Variants in NT5DC1 observed in about 807,000 individuals in gnomAD.
NT5DC1 encodes the protein 5'-nucleotidase domain containing 1.
NT5DC1 carries 42 observed loss-of-function variants against 59.4 expected under a neutral mutation model. The ratio of observed to expected loss-of-function variants is 0.71; its 90% CI spans 0.55 to 0.92. NT5DC1 has a LOEUF of 0.92. Ranked by LOEUF, NT5DC1 falls within the 40% of genes least tolerant of loss-of-function variation. The pLI is 0.00. For missense variants in NT5DC1, 501 were observed against 537.1 expected (o/e 0.93, Z 0.66); for synonymous variants, 172 against 188.1 (o/e 0.91, Z 0.70).
intron 6 of NT5DC1, among the ~76,000 whole-genome samples, chr6:116,215,954 A>G (rs1781680635): frequency 6.6e-6 from 1 of 152,154 alleles, no homozygotes; most frequent in Non-Finnish European, 1.5e-5. Flanking sequence ...TGGCTTGTCT[A>G]TACTCATTTA....
intron 6 of NT5DC1, among the ~76,000 whole-genome samples, chr6:116,219,988 CTCT>C (rs1781765068): frequency 1.6e-5 from 2 of 125,840 alleles, no homozygotes; most frequent in East Asian, 4.7e-4. Flanking sequence ...AAAAAAACAA[CTCT>C]TCTTCCTGAT....
chr6:116,111,014 C>T, intron 4 of NT5DC1, 58 bp downstream of exon 4: 2 of 1,185,464 alleles, frequency 1.7e-6, no homozygotes, highest in South Asian at 1.3e-5. Context: ...GTACCCTAAA[C>T]CTTTGATGTC....
intron 6 of NT5DC1, among the ~76,000 whole-genome samples, chr6:116,128,633 G>T (rs1779384593): frequency 6.6e-6 from 1 of 152,092 alleles, no homozygotes; most frequent in Admixed American, 6.6e-5. Flanking sequence ...TAGACATTAA[G>T]ATAAATACTG....
intron 6 of NT5DC1, among the ~76,000 whole-genome samples, chr6:116,210,250 A>G (rs1292939911): frequency 6.6e-6 from 1 of 152,000 alleles, no homozygotes; most frequent in African/African-American, 2.4e-5. Flanking sequence ...ATAAATTTAT[A>G]TGTAAGGTTC....
At chr6:116,206,718 TC>T (rs1781459861) in intron 6 of NT5DC1, among the ~76,000 whole-genome samples, 1 of 151,994 alleles carries the variant, frequency 6.6e-6, no homozygotes, top group African/African-American at 2.4e-5. Flanking sequence ...TAGATAAAGT[TC>T]CTTTTGATGT....
Position 116,162,047 on chromosome 6 carries a change from G to A in NT5DC1, c.529+44102G>A, listed in dbSNP as rs529499672. 3.6e-3 allele frequency among the ~76,000 whole-genome samples: 544 copies of A among 152,216 alleles called. 2 individuals carry two copies. Among genetic ancestry groups the A allele is most frequent in the African/African-American group, 0.012 (502 of 41,546 alleles). On this transcript the variant is annotated intron_variant, in intron 6 of 11. Transcript: ENST00000319550. ...ATGTTTTTTTATGGCTATTGTAAAT[G>A]AGATTGAGTTTTTTATTTGGTTTTC...
chr6:116,172,329 T>TG (rs1780627720), intron 6 of NT5DC1, among the ~76,000 whole-genome samples: 1 of 147,810 alleles, frequency 6.8e-6, no homozygotes, highest in Non-Finnish European at 1.5e-5. Context: ...TTTTTTTTTT[T>TG]TTTTTTTTTT....
intron 6 of NT5DC1, among the ~76,000 whole-genome samples, chr6:116,158,398 G>T (rs1172283944): frequency 6.6e-6 from 1 of 151,910 alleles, no homozygotes; most frequent in East Asian, 1.9e-4. Flanking sequence ...GTTTATAAAT[G>T]ATTTACTTTT....
rs2114568580 is a variant in NT5DC1 at position 116,244,079 on chromosome 6, TA to T, written c.*57del. ...CCCATATATGCAGTTAAAAAAAAGT[TA>T]ATTTTCAAAAAATACTGTAAAAGAC... On this transcript the variant is annotated 3_prime_UTR_variant, in exon 12 of 12. Transcript: ENST00000319550. The T allele has an allele frequency of 1.5e-6, 1 of 682,036 alleles. No individual in the cohort carries two copies. Among genetic ancestry groups the T allele is most frequent in the South Asian group, 2.1e-5 (1 of 47,930 alleles). The allele number at this position is 682,036 out of a possible 1,614,324, so 42.2% of individuals were successfully genotyped here. A position where few individuals can be genotyped will look rare whatever the true frequency, so the allele number is the denominator to read the frequency against.
intron 6 of NT5DC1, among the ~76,000 whole-genome samples, chr6:116,161,885 G>A (rs1780341180): frequency 6.6e-6 from 1 of 152,090 alleles, no homozygotes; most frequent in Non-Finnish European, 1.5e-5. Flanking sequence ...CCATCTGTTT[G>A]TGTCATCTAC....
intron 6 of NT5DC1, among the ~76,000 whole-genome samples, chr6:116,150,351 C>G (rs1325174784): frequency 6.6e-6 from 1 of 152,018 alleles, no homozygotes; most frequent in Non-Finnish European, 1.5e-5. Context: ...AGTGGCATGT[C>G]TTGGCTCACT....
In NT5DC1 at chr6:116,181,719, C is replaced by CA. The variant is rs368247126; in HGVS notation, c.530-39326dup. 4.2e-3 allele frequency among the ~76,000 whole-genome samples: 632 copies of CA among 149,506 alleles called. 4 individuals carry two copies. Among genetic ancestry groups the CA allele is most frequent in the African/African-American group, 0.014 (576 of 40,780 alleles). On this transcript the variant is annotated intron_variant, in intron 6 of 11. Coordinates refer to ENST00000319550, the MANE Select transcript of NT5DC1 (RefSeq NM_152729.3). ...CAAAACCTATTGCAAGCTTTCTGTG[C>CA]AAAAAAAAAGTGCACAAGATTGAGA...
chr6:116,196,746 G>T (rs954507649), intron 6 of NT5DC1, among the ~76,000 whole-genome samples: 1 of 151,884 alleles, frequency 6.6e-6, no homozygotes, highest in South Asian at 2.1e-4. Context: ...ACTCTGCGGT[G>T]TTGGGAATGC....
At chr6:116,226,886 C>A (rs1002321667) in intron 8 of NT5DC1, among the ~76,000 whole-genome samples, 22 of 151,654 alleles carry the variant, frequency 1.5e-4, no homozygotes, top group African/African-American at 5.3e-4. Flanking sequence ...TTATGTTGTA[C>A]AACATGGTAT....
chr6:116,166,481 A>G (rs1167734887), intron 6 of NT5DC1, among the ~76,000 whole-genome samples: 3 of 152,192 alleles, frequency 2.0e-5, no homozygotes, highest in African/African-American at 4.8e-5. Context: ...TGTAAATGGT[A>G]TTGGGAATAG....
chr6:116,138,732 G>A (rs1308646297), intron 6 of NT5DC1, among the ~76,000 whole-genome samples: 1 of 151,942 alleles, frequency 6.6e-6, no homozygotes, highest in Non-Finnish European at 1.5e-5. Context: ...TTACTAATGG[G>A]GTACATGTAG....
rs570375446 is a variant in NT5DC1 at position 116,103,851 on chromosome 6, G to A, written c.94-2393G>A. Among the ~76,000 whole-genome samples, 9 of 152,298 alleles carry A rather than the reference G, an allele frequency of 5.9e-5. No individual in the cohort carries two copies. In the East Asian group the frequency reaches 1.2e-3, roughly 20 times the overall value. On this transcript the variant is annotated intron_variant, in intron 1 of 11. Coordinates refer to ENST00000319550, the MANE Select transcript of NT5DC1 (RefSeq NM_152729.3). Reference sequence around the variant, plus strand: ...GATACCAGTCAGTTAACGTAGATGTGTGAGTGGGAGAGTGGGGTCCCAAAT... The same window carrying A: ...GATACCAGTCAGTTAACGTAGATGTATGAGTGGGAGAGTGGGGTCCCAAAT...
chr6:116,239,861 C>T (rs1320430322), intron 11 of NT5DC1, among the ~76,000 whole-genome samples: 2 of 151,924 alleles, frequency 1.3e-5, no homozygotes, highest in African/African-American at 4.8e-5. Context: ...CAGAAATAAC[C>T]ATGTTAATTA....
At position 116,249,180 on chromosome 6, in the gene NT5DC1, A is replaced by C. The variant is rs533425265; in HGVS notation, c.*5156A>C. 324 of 150,842 alleles carry C rather than the reference A, an allele frequency of 2.1e-3. No individual in the cohort carries two copies. The highest frequency in any genetic ancestry group is 7.1e-3 in the African/African-American group (293 of 41,396). The allele number at this position is 150,842 out of a possible 1,614,324, so 9.3% of individuals were successfully genotyped here. A position where few individuals can be genotyped will look rare whatever the true frequency, so the allele number is the denominator to read the frequency against. On this transcript the variant is annotated 3_prime_UTR_variant, in exon 12 of 12. Transcript: ENST00000319550. ...CTTGCAAAAGAAAACCTAGCTCTCT[A>C]ATACTTAAAGTTCTCTAGCCCTAGA...
Sources: gnomAD v4.1 joint callset for allele counts (sites outside exome capture counted in the v4.1 genomes callset) on GRCh38, gnomAD v4.1.1 for gene constraint, MANE v1.5 for transcripts, NCBI Gene and HGNC (gene_info 2026-07-23, HGNC 2026-07-21) for gene names.